The following SLC38A9 variants were observed in gnomAD, a reference collection of about 807,000 sequenced individuals.
SLC38A9 encodes solute carrier family 38 member 9.
In SLC38A9, 48 loss-of-function variants were observed where a neutral mutation model predicts 62.3. The observed-to-expected ratio is 0.77, with a 90% CI of 0.61 to 0.98. The LOEUF (loss-of-function observed/expected upper bound fraction) is 0.98, where lower values mean the gene tolerates loss of function less well. Among genes scored for constraint, SLC38A9 ranks in the 50% least tolerant of loss-of-function variants. The probability of loss-of-function intolerance (pLI) is 0.00; values close to 1 mark genes in which losing one functional copy is unlikely to be tolerated. For missense variants in SLC38A9, 541 were observed against 679.8 expected (o/e 0.80, Z 2.27); for synonymous variants, 204 against 227.7 (o/e 0.90, Z 0.94).
At chr5:55,701,147 TATAGAC>T (rs1580432151) in intron 2 of SLC38A9, among the ~76,000 whole-genome samples, 1 of 152,154 alleles carries the variant, frequency 6.6e-6, no homozygotes, top group Non-Finnish European at 1.5e-5. Context: ...TATTAGACAG[TATAGAC>T]ATAAACATTT....
chr5:55,698,628 C>A (rs973816501), intron 2 of SLC38A9, among the ~76,000 whole-genome samples: 1 of 152,210 alleles, frequency 6.6e-6, no homozygotes, highest in African/African-American at 2.4e-5. Flanking sequence ...AAGGGAACTA[C>A]AAAGAAGTCT....
At chr5:55,635,733 A>G in intron 12 of SLC38A9, 76 bp from the exon 13 acceptor site, 1 of 887,204 alleles carries the variant, frequency 1.1e-6, no homozygotes, top group Non-Finnish European at 1.8e-6. Context: ...TAAGGAGACT[A>G]ACAAATAAAT....
At chr5:55,631,437 A>G (rs1323216103) in intron 14 of SLC38A9, among the ~76,000 whole-genome samples, 1 of 152,242 alleles carries the variant, frequency 6.6e-6, no homozygotes, top group African/African-American at 2.4e-5. Context: ...CATTCTGCAA[A>G]ATAATGGTAG....
rs1742398306 is a variant in SLC38A9, at chr5:55,626,296, C to T, written c.*198G>A. ...AGTTAATATGAGAAAGGTAAAGACA[C>T]TAAGATCATTCTTTTTGCCCCTTTC... On this transcript the variant is annotated 3_prime_UTR_variant, in exon 16 of 16. Coordinates refer to ENST00000396865, the MANE Select transcript of SLC38A9 (RefSeq NM_173514.4). 4.0e-6 allele frequency: 2 copies of T among 498,982 alleles called. No homozygotes were observed. The highest frequency in any genetic ancestry group is 7.1e-6 in the Non-Finnish European group (2 of 280,976). 30.9% of individuals were successfully genotyped at this position (498,982 alleles called of 1,614,324 possible).
intron 11 of SLC38A9, among the ~76,000 whole-genome samples, chr5:55,648,586 T>TCCTATA (rs1746804743): frequency 6.6e-6 from 1 of 152,270 alleles, no homozygotes; most frequent in South Asian, 2.1e-4. Flanking sequence ...ATATTTGGAA[T>TCCTATA]GTGTAAAGAA....
In SLC38A9 at chr5:55,692,116, G is replaced by GT. The variant is rs1380579182; in HGVS notation, c.113+5729dup. 5.3e-5 allele frequency among the ~76,000 whole-genome samples: 8 copies of GT among 152,322 alleles called. No individual in the cohort carries two copies. The East Asian group carries it at 1.5e-3, about 29-fold the overall frequency. On this transcript the variant is annotated intron_variant, in intron 3 of 15. Coordinates refer to ENST00000396865, the MANE Select transcript of SLC38A9 (RefSeq NM_173514.4). ...AAGTATGGTAATATGTAAGATGATT[G>GT]TAAGTAGCACAAGAATAAATGCTAT...
intron 5 of SLC38A9, 29 bp downstream of exon 5, chr5:55,669,729 G>A: frequency 3.7e-6 from 6 of 1,606,890 alleles, no homozygotes; most frequent in Non-Finnish European, 5.1e-6. Flanking sequence ...TACAGTTTAA[G>A]TCATGCTCCA....
chr5:55,687,072 T>G (rs1199556971), intron 3 of SLC38A9, among the ~76,000 whole-genome samples: 19 of 22,498 alleles, frequency 8.4e-4, no homozygotes, highest in Non-Finnish European at 8.1e-4. Flanking sequence ...TTTGTTTTTT[T>G]TTTTTTTTTT....
At chr5:55,686,609 A>G (rs1753854303) in intron 3 of SLC38A9, among the ~76,000 whole-genome samples, 1 of 150,400 alleles carries the variant, frequency 6.6e-6, no homozygotes, top group African/African-American at 2.4e-5. Context: ...GCCGTGCAGA[A>G]GCTCTTTAGT....
intron 3 of SLC38A9, among the ~76,000 whole-genome samples, chr5:55,695,229 AG>A (rs749629191): frequency 1.7e-4 from 25 of 150,998 alleles, no homozygotes; most frequent in South Asian, 8.3e-4. Context: ...GAAGCATTTT[AG>A]TTTCTCTCAT....
chr5:55,687,922 C>T (rs910561455), intron 3 of SLC38A9, among the ~76,000 whole-genome samples: 16 of 152,190 alleles, frequency 1.1e-4, no homozygotes, highest in Non-Finnish European at 2.2e-4. Flanking sequence ...TGGTCTCAAT[C>T]TCCTGACCTC....
intron 3 of SLC38A9, chr5:55,697,286 A>C (rs1293809858): frequency 6.5e-6 from 1 of 153,992 alleles, no homozygotes; most frequent in Non-Finnish European, 1.4e-5. Context: ...AGCACTCAAG[A>C]CCATTTCTAT....
intron 7 of SLC38A9, among the ~76,000 whole-genome samples, chr5:55,666,413 T>A (rs187066365): frequency 1.8e-3 from 276 of 152,360 alleles, no homozygotes; most frequent in African/African-American, 6.5e-3. Context: ...TATGATCCCA[T>A]GCTTTGAACT....
rs763367369 is a variant in SLC38A9 at position 55,672,587 on chromosome 5, G to A, written c.222C>T (p.Leu74=). ...MNKRIHYYSR[L]TTPADKALIA... Reference sequence around the variant, plus strand: ...CCAGTGCCTTGTCTGCAGGAGTGGTGAGCCGGCTGTAGTAATGAATTCTCT... The same window carrying A: ...CCAGTGCCTTGTCTGCAGGAGTGGTAAGCCGGCTGTAGTAATGAATTCTCT... Residue 74 remains leucine, a synonymous_variant, in exon 4 of 16, where the codon CTC becomes CTT. Transcript: ENST00000396865. 13 of 1,613,998 alleles carry A rather than the reference G, an allele frequency of 8.1e-6. No individual in the cohort carries two copies. The highest frequency in any genetic ancestry group is 1.1e-5 in the Non-Finnish European group (13 of 1,180,020).
At chr5:55,706,270 A>G (rs1757285180) in intron 2 of SLC38A9, among the ~76,000 whole-genome samples, 2 of 152,374 alleles carry the variant, frequency 1.3e-5, no homozygotes, top group South Asian at 4.1e-4. Flanking sequence ...AATGGCAGAA[A>G]TATATGGCTA....
At chr5:55,672,427 T>C in intron 4 of SLC38A9, 136 bp downstream of exon 4, 1 of 910,384 alleles carries the variant, frequency 1.1e-6, no homozygotes, top group South Asian at 1.7e-5. Flanking sequence ...TGTTAATTAC[T>C]ATCTTTGACT....
intron 3 of SLC38A9, among the ~76,000 whole-genome samples, chr5:55,686,958 CT>C (rs1753914453): frequency 6.6e-6 from 1 of 151,826 alleles, no homozygotes; most frequent in South Asian, 2.1e-4. Context: ...GTTCTCTATC[CT>C]GTTCCATTGG....
At chr5:55,675,149 TCCAA>T (rs1418337248) in intron 3 of SLC38A9, 4 of 152,240 alleles carry the variant, frequency 2.6e-5, no homozygotes, top group Non-Finnish European at 5.9e-5. Context: ...TATTATTGGT[TCCAA>T]CCACTAAGTT....
intron 12 of SLC38A9, among the ~76,000 whole-genome samples, chr5:55,637,457 A>G (rs1241164712): frequency 6.6e-6 from 1 of 152,260 alleles, no homozygotes; most frequent in Non-Finnish European, 1.5e-5. Context: ...TGCATGATAT[A>G]AAGAATTTCA....
Sources: gnomAD v4.1 joint callset for allele counts (sites outside exome capture counted in the v4.1 genomes callset) on GRCh38, gnomAD v4.1.1 for gene constraint, MANE v1.5 for transcripts, NCBI Gene and HGNC (gene_info 2026-07-23, HGNC 2026-07-21) for gene names.